Variants in MIOS observed in about 807,000 individuals in gnomAD.
MIOS encodes GATOR2 complex protein MIOS.
A neutral mutation model predicts 96.9 loss-of-function variants in MIOS; 52 were observed. That is an observed-to-expected ratio of 0.54 (90% CI 0.43 to 0.68). The LOEUF is 0.68. Ranked by LOEUF, MIOS falls within the 30% of genes least tolerant of loss-of-function variation. MIOS has a pLI of 0.00. For missense variants in MIOS, 1,005 were observed against 1,052.8 expected (o/e 0.95, Z 0.63); for synonymous variants, 397 against 359.5 (o/e 1.10, Z -1.18).
chr7:7,585,970 G>A (rs947263256), intron 7 of MIOS, among the ~76,000 whole-genome samples, 165 bp downstream of exon 7: 14 of 151,854 alleles, frequency 9.2e-5, no homozygotes, highest in African/African-American at 3.1e-4. Context: ...CTCTTCTTGA[G>A]TGTGATTCCC....
In MIOS at chr7:7,607,678, A is replaced by G. The variant is rs1345766986; in HGVS notation, c.*586A>G. On this transcript the variant is annotated 3_prime_UTR_variant, in exon 13 of 13. Coordinates refer to ENST00000340080, the MANE Select transcript of MIOS (RefSeq NM_019005.4). ...TTTATGTGTGTATGTATAAATATGT[A>G]TTTTTTAAAGGAGCCTTTTCCCTCC... 1.3e-5 allele frequency: 2 copies of G among 152,172 alleles called. No homozygotes were observed. Among genetic ancestry groups the G allele is most frequent in the African/African-American group, 2.4e-5 (1 of 41,538 alleles). The allele number at this position is 152,172 out of a possible 1,614,324, so 9.4% of individuals were successfully genotyped here.
chr7:7,580,113 T>G (rs921399957), intron 5 of MIOS, among the ~76,000 whole-genome samples: 9 of 152,198 alleles, frequency 5.9e-5, no homozygotes, highest in Non-Finnish European at 1.5e-5. Context: ...GATATGAAAA[T>G]ACACACCTTA....
At position 7,572,712 on chromosome 7, in the gene MIOS, A is replaced by G; in HGVS notation, c.237A>G (p.Ala79=). 2 of 1,614,194 alleles carry G rather than the reference A, an allele frequency of 1.2e-6. No homozygotes were observed. Among genetic ancestry groups the G allele is most frequent in the South Asian group, 2.2e-5 (2 of 91,078 alleles). Residue 79 remains alanine (A), a synonymous_variant, in exon 4 of 13, where the codon GCA becomes GCG. Transcript: ENST00000340080. This position sits in a 1 kb window ranked among gnomAD's most constrained non-coding sequence, Gnocchi z 4.8. ...ATTATGATCCTGAATGTCTGCTGGCAGTTGGACAAGCAAATGGTCGAGTTG... is the reference window on the plus strand; with the variant it reads ...ATTATGATCCTGAATGTCTGCTGGCGGTTGGACAAGCAAATGGTCGAGTTG... ...YLNYDPECLL[A]VGQANGRVVL...
chr7:7,583,359 A>G lies in MIOS; in HGVS notation c.1635A>G (p.Ala545=). 6.2e-7 allele frequency: 1 copy of G among 1,606,558 alleles called. No homozygotes were observed. Among genetic ancestry groups the G allele is most frequent in the East Asian group, 2.2e-5 (1 of 44,742 alleles). Residue 545 remains alanine, a synonymous_variant, in exon 6 of 13, where the codon GCA becomes GCG. Coordinates refer to ENST00000340080, the MANE Select transcript of MIOS (RefSeq NM_019005.4). ...RRAIQILNEG[A]SSEKGDLNLN... is the part of the protein sequence containing the mutation. ...CAATCCAAATCCTGAATGAAGGGGC[A>G]TCTTCTGAAAAAGGTATTAGGTTAT...
At chr7:7,567,285 C>G (rs1243318162) in intron 1 of MIOS, 1 of 152,042 alleles carries the variant, frequency 6.6e-6, no homozygotes, top group Non-Finnish European at 1.5e-5. Context: ...CGGAGACCTC[C>G]TCGGGGCGCA....
At position 7,573,733 on chromosome 7, in the gene MIOS, G is replaced by A; in HGVS notation, c.1258G>A (p.Asp420Asn). The A allele has an allele frequency of 6.2e-7, 1 of 1,611,188 alleles. No homozygotes were observed. Residue 420 changes from aspartate (D) to asparagine (N), a missense_variant, in exon 4 of 13, where the codon GAT (aspartate) becomes AAT (asparagine). Coordinates refer to ENST00000340080, the MANE Select transcript of MIOS (RefSeq NM_019005.4). The surrounding 1 kb of genome is among the most constrained non-coding windows in gnomAD (Gnocchi z 5.0). ...GAACCACATTTTAGCTGGAAATGAA[G>A]ATCCACAGCTCAAGTCACTCTGGTA... is the stretch of plus-strand genomic sequence containing the variant. ...WRNHILAGNE[D>N]PQLKSLWYTL...
intron 11 of MIOS, among the ~76,000 whole-genome samples, chr7:7,597,065 G>A (rs1409595956): frequency 2.0e-5 from 3 of 152,090 alleles, no homozygotes; most frequent in Non-Finnish European, 4.4e-5. Context: ...GGTGGCTCAC[G>A]CCTGTAATCC....
At chr7:7,576,281 A>G (rs1450721034) in intron 5 of MIOS, among the ~76,000 whole-genome samples, 1 of 152,170 alleles carries the variant, frequency 6.6e-6, no homozygotes, top group African/African-American at 2.4e-5. Flanking sequence ...TAGAGACATA[A>G]CTCTCAAGAA....
Position 7,606,892 on chromosome 7 carries a change from C to A in MIOS, c.2532-104C>A, listed in dbSNP as rs183366946. On this transcript the variant is annotated intron_variant, in intron 12 of 12. Coordinates refer to ENST00000340080, the MANE Select transcript of MIOS (RefSeq NM_019005.4). ...CTTGAGCCCAAAAGTGTGCGTACAG[C>A]CTGGGAAATATAGGGAGACCCTGTC... 23 of 892,352 alleles carry A rather than the reference C, an allele frequency of 2.6e-5. No homozygotes were observed. In the East Asian group the frequency reaches 3.6e-4, roughly 14 times the overall value. The allele number at this position is 892,352 out of a possible 1,614,324, so 55.3% of individuals were successfully genotyped here. A position where few individuals can be genotyped will look rare whatever the true frequency, so the allele number is the denominator to read the frequency against.
intron 11 of MIOS, among the ~76,000 whole-genome samples, chr7:7,603,145 A>C (rs1199357652): frequency 6.6e-6 from 1 of 152,242 alleles, no homozygotes; most frequent in Non-Finnish European, 1.5e-5. Context: ...CATTCAGGAC[A>C]TAGGCATGGG....
In MIOS at chr7:7,596,339, A is replaced by T. The variant is rs1305444477; in HGVS notation, c.2279A>T (p.Gln760Leu). ...AVPHQGRGFSQYGVSGSPTKS... is the reference protein window; with the variant it reads ...AVPHQGRGFSLYGVSGSPTKS... Reference sequence around the variant, plus strand: ...CCTCATCAGGGCAGAGGTTTTAGTCAGTATGGTGTGAGTGGCTCACCAACG... The same window carrying T: ...CCTCATCAGGGCAGAGGTTTTAGTCTGTATGGTGTGAGTGGCTCACCAACG... The change falls in exon 11 of 13, where the codon CAG becomes CTG. Residue 760 changes from glutamine (Q) to leucine (L), a missense_variant. Around this residue, in one of 3 missense-constraint regions of MIOS, gnomAD observed 865 missense variants for 887.9 expected, o/e 0.97. Transcript: ENST00000340080. 6.2e-7 allele frequency: 1 copy of T among 1,614,134 alleles called. No individual in the cohort carries two copies. The highest frequency in any genetic ancestry group is 1.1e-5 in the South Asian group (1 of 91,080).
chr7:7,569,553 C>T (rs977890181), intron 3 of MIOS, among the ~76,000 whole-genome samples: 1 of 152,218 alleles, frequency 6.6e-6, no homozygotes, highest in African/African-American at 2.4e-5. Flanking sequence ...TCATTCAGCA[C>T]ATGCATTTAT....
At chr7:7,594,178 A>G (rs1784134725) in intron 9 of MIOS, among the ~76,000 whole-genome samples, 2 of 152,212 alleles carry the variant, frequency 1.3e-5, no homozygotes, top group South Asian at 4.1e-4. Flanking sequence ...CAAGAGTAAG[A>G]ATAGACAGGT....
At position 7,583,175 on chromosome 7, in the gene MIOS, A is replaced by T. The variant is rs750665084; in HGVS notation, c.1451A>T (p.Gln484Leu). 1 of 1,614,046 alleles carries T rather than the reference A, an allele frequency of 6.2e-7. No homozygotes were observed. The highest frequency in any genetic ancestry group is 8.5e-7 in the Non-Finnish European group (1 of 1,179,994). The change falls in exon 6 of 13, where the codon CAA becomes CTA. Residue 484 changes from glutamine to leucine, a missense_variant. Coordinates refer to ENST00000340080, the MANE Select transcript of MIOS (RefSeq NM_019005.4). ...GGGTTGGATAAGCAAAGTGATATTC[A>T]AAATTTAAATGAAGAGAGAATCTTA... ...WSGLDKQSDI[Q>L]NLNEERILAL...
In MIOS at chr7:7,607,445, T is replaced by C. The variant is rs2115520537; in HGVS notation, c.*353T>C. 1 of 158,044 alleles carries C rather than the reference T, an allele frequency of 6.3e-6. No homozygotes were observed. Among genetic ancestry groups the C allele is most frequent in the South Asian group, 2.0e-4 (1 of 4,940 alleles). The allele number at this position is 158,044 out of a possible 1,614,324, so 9.8% of individuals were successfully genotyped here. ...CTATATCTTCAAAGCTGAAACTGGATATCTTTCAATAAAATATGTGCACTT... is the reference window on the plus strand; with the variant it reads ...CTATATCTTCAAAGCTGAAACTGGACATCTTTCAATAAAATATGTGCACTT... On this transcript the variant is annotated 3_prime_UTR_variant, in exon 13 of 13. Transcript: ENST00000340080.
At chr7:7,584,514 A>C (rs183538476) in intron 6 of MIOS, among the ~76,000 whole-genome samples, 236 of 152,290 alleles carry the variant, frequency 1.5e-3, no homozygotes, top group Non-Finnish European at 2.8e-3. Context: ...AAATTGTTCT[A>C]TACAAAATCC....
chr7:7,606,322 T>C (rs1784529953), intron 12 of MIOS, among the ~76,000 whole-genome samples: 1 of 152,206 alleles, frequency 6.6e-6, no homozygotes, highest in Non-Finnish European at 1.5e-5. Context: ...TGAATAACAT[T>C]ATTTAACTTT....
rs1485180091 is a variant in MIOS, at chr7:7,566,887, T to A, written c.-406T>A. 1 of 152,120 alleles carries A rather than the reference T, an allele frequency of 6.6e-6. No individual in the cohort carries two copies. The highest frequency in any genetic ancestry group is 6.5e-5 in the Admixed American group (1 of 15,280). The allele number at this position is 152,120 out of a possible 1,614,324, so 9.4% of individuals were successfully genotyped here. On this transcript the variant is annotated 5_prime_UTR_variant, in exon 1 of 13. Coordinates refer to ENST00000340080, the MANE Select transcript of MIOS (RefSeq NM_019005.4). Reference sequence around the variant, plus strand: ...CGGGGCTCGCGCTGGGAAACTCCCCTTCCAAGGCCGAGGCGCCGCTGCGCG... The same window carrying A: ...CGGGGCTCGCGCTGGGAAACTCCCCATCCAAGGCCGAGGCGCCGCTGCGCG...
At chr7:7,589,174 G>A (rs1317886541) in intron 8 of MIOS, among the ~76,000 whole-genome samples, 1 of 151,788 alleles carries the variant, frequency 6.6e-6, no homozygotes, top group Non-Finnish European at 1.5e-5. Flanking sequence ...GTTCTTTTAT[G>A]GATTAATTAT....
Sources: allele counts gnomAD v4.1 joint callset (sites outside exome capture counted in the v4.1 genomes callset), GRCh38; gene constraint gnomAD v4.1.1; regional missense constraint gnomAD v4.1.1; non-coding constraint Gnocchi (gnomAD v3.1); transcripts MANE v1.5; gene names NCBI Gene and HGNC (gene_info 2026-07-23, HGNC 2026-07-21).